EPGN: variants seen among roughly 807,000 people sequenced by gnomAD.
EPGN encodes epithelial mitogen.
In EPGN, 21 loss-of-function variants were observed where a neutral mutation model predicts 20.7. The ratio of observed to expected loss-of-function variants is 1.01; its 90% CI spans 0.72 to 1.46. The LOEUF is 1.46. Ranked by LOEUF, EPGN falls within the 40% of genes most tolerant of loss-of-function variation. The pLI, the probability that EPGN is intolerant of heterozygous loss-of-function variation, is 0.00. For synonymous variants in EPGN, 69 were observed against 63.8 expected, an observed-to-expected ratio of 1.08 and a Z score of -0.39; for missense variants, 199 against 180.7, an observed-to-expected ratio of 1.10 and a Z score of -0.58.
In EPGN at chr4:74,315,505, A is replaced by G. The variant is rs975335972; in HGVS notation, c.*868A>G. Reference sequence around the variant, plus strand: ...GTCTCCTACTGAATAAAAGTCTACAATTGGCCCTAAAATAGAAACTGAAAA... The same window carrying G: ...GTCTCCTACTGAATAAAAGTCTACAGTTGGCCCTAAAATAGAAACTGAAAA... On this transcript the variant is annotated 3_prime_UTR_variant, in exon 5 of 5. Transcript: ENST00000413830. 2.0e-4 allele frequency among the ~76,000 whole-genome samples: 31 copies of G among 152,202 alleles called. No homozygotes were observed. Among genetic ancestry groups the G allele is most frequent in the African/African-American group, 7.0e-4 (29 of 41,456 alleles).
At chr4:74,312,457 C>G (rs1460306589) in intron 3 of EPGN, 152 bp downstream of exon 3, 19 of 780,710 alleles carry the variant, frequency 2.4e-5, no homozygotes, top group Non-Finnish European at 3.4e-5. Context: ...ATTTGAATAT[C>G]TAAGGAGTCT....
intron 2 of EPGN, among the ~76,000 whole-genome samples, chr4:74,309,434 C>T (rs576864604): frequency 1.2e-4 from 19 of 152,258 alleles, no homozygotes; most frequent in Admixed American, 4.6e-4. Context: ...GTGAAACAGG[C>T]CACATTTTCT....
Position 74,314,782 on chromosome 4 carries a change from A to G in EPGN, c.*145A>G. 1.3e-6 allele frequency: 1 copy of G among 781,266 alleles called. No homozygotes were observed. The highest frequency in any genetic ancestry group is 1.8e-5 in the South Asian group (1 of 55,216). The allele number at this position is 781,266 out of a possible 1,614,324, so 48.4% of individuals were successfully genotyped here. ...GGATCACAATGAAATGAGAAGATAAAATTCAGCGTTGGCCTTTAGACTTTG... is the reference window on the plus strand; with the variant it reads ...GGATCACAATGAAATGAGAAGATAAGATTCAGCGTTGGCCTTTAGACTTTG... On this transcript the variant is annotated 3_prime_UTR_variant, in exon 5 of 5. Coordinates refer to ENST00000413830, the MANE Select transcript of EPGN (RefSeq NM_001270989.2).
chr4:74,308,962 C>A, intron 1 of EPGN, 131 bp from the exon 2 acceptor site: 3 of 693,790 alleles, frequency 4.3e-6, no homozygotes, highest in Non-Finnish European at 7.4e-6. Context: ...GCCCTAGTCA[C>A]GTTATGGATT....
At position 74,313,026 on chromosome 4, in the gene EPGN, C is replaced by G; in HGVS notation, c.263C>G (p.Thr88Ser). Residue 88 changes from threonine (T) to serine (S), a missense_variant, in exon 4 of 5, where the codon ACT becomes AGT. By Grantham distance (58) the Thr-to-Ser change is moderately conservative (BLOSUM62 1). Transcript: ENST00000413830. ...ELEKAICRCFTGYTGERCEHL... is the reference protein window; with the variant it reads ...ELEKAICRCFSGYTGERCEHL... Reference sequence around the variant, plus strand: ...TTTTTCTTTTTTTAAAGGTGTTTTACTGGTTATACTGGAGAAAGGTGTGAG... The same window carrying G: ...TTTTTCTTTTTTTAAAGGTGTTTTAGTGGTTATACTGGAGAAAGGTGTGAG... 1 of 1,595,016 alleles carries G rather than the reference C, an allele frequency of 6.3e-7. No homozygotes were observed. The highest frequency in any genetic ancestry group is 8.5e-7 in the Non-Finnish European group (1 of 1,175,372).
intron 2 of EPGN, 47 bp from the exon 3 acceptor site, chr4:74,312,138 A>C (rs768989140): frequency 1.3e-6 from 2 of 1,548,640 alleles, no homozygotes; most frequent in Non-Finnish European, 1.7e-6. Context: ...ATTTACCATA[A>C]AAGTAAGACA....
rs528252767 is a variant in EPGN, at chr4:74,314,790, G to T, written c.*153G>T. 4 of 744,602 alleles carry T rather than the reference G, an allele frequency of 5.4e-6. No homozygotes were observed. Among genetic ancestry groups the T allele is most frequent in the African/African-American group, 3.5e-5 (2 of 56,340 alleles). 46.1% of individuals were successfully genotyped at this position (744,602 alleles called of 1,614,324 possible). A position where few individuals can be genotyped will look rare whatever the true frequency, so the allele number is the denominator to read the frequency against. On this transcript the variant is annotated 3_prime_UTR_variant, in exon 5 of 5. Transcript: ENST00000413830. ...ATGAAATGAGAAGATAAAATTCAGC[G>T]TTGGCCTTTAGACTTTGCCATCCTT...
chr4:74,309,583 T>G (rs1235339565), intron 2 of EPGN, among the ~76,000 whole-genome samples: 1 of 139,838 alleles, frequency 7.2e-6, no homozygotes, highest in Non-Finnish European at 1.5e-5. Flanking sequence ...GGCTACAAGA[T>G]GAACAGCACT....
At chr4:74,308,612 CA>C (rs754704540) in intron 1 of EPGN, 36 bp downstream of exon 1, 9 of 1,565,346 alleles carry the variant, frequency 5.7e-6, no homozygotes, top group Non-Finnish European at 7.9e-6. Context: ...AACTTTATAT[CA>C]GTGTAAAATG....
chr4:74,309,052 G>A (rs1485676839), intron 1 of EPGN, 41 bp from the exon 2 acceptor site: 1 of 1,417,282 alleles, frequency 7.1e-7, no homozygotes, highest in South Asian at 1.2e-5. Context: ...GTACATAGAA[G>A]GAGGCTCTCT....
intron 3 of EPGN, 65 bp downstream of exon 3, chr4:74,312,370 A>G: frequency 6.5e-7 from 1 of 1,532,570 alleles, no homozygotes; most frequent in Non-Finnish European, 8.8e-7. Context: ...GTTGTTTCAT[A>G]TAGTACATTT....
intron 2 of EPGN, among the ~76,000 whole-genome samples, chr4:74,310,461 C>CAAAAAAAA (rs10586282): frequency 1.2e-4 from 5 of 43,188 alleles, no homozygotes; most frequent in Non-Finnish European, 3.2e-4. Context: ...GAGTCCGTCT[C>CAAAAAAAA]AAAAAAAAAA....
chr4:74,313,243 G>A (rs749900792), intron 4 of EPGN, 73 bp downstream of exon 4: 6 of 1,520,028 alleles, frequency 3.9e-6, no homozygotes, highest in South Asian at 3.9e-5. Context: ...GCCCTATAAT[G>A]TGTCAGGCAC....
intron 3 of EPGN, among the ~76,000 whole-genome samples, 185 bp from the exon 4 acceptor site, chr4:74,312,833 G>A (rs1359489408): frequency 2.0e-5 from 3 of 152,116 alleles, no homozygotes; most frequent in African/African-American, 7.2e-5. Context: ...AAAATATGGG[G>A]CCTTAATGAT....
Position 74,315,885 on chromosome 4 carries a change from G to A in EPGN, c.*1248G>A, listed in dbSNP as rs571463469. Among the ~76,000 whole-genome samples the A allele has an allele frequency of 3.3e-5, 5 of 151,370 alleles. No individual in the cohort carries two copies. Among genetic ancestry groups the A allele is most frequent in the Non-Finnish European group, 7.4e-5 (5 of 67,938 alleles). ...GACAATCACTTGAACCCAGGAGGCAGAGGTTGTAGTGAGCCGAGATGGCAA... is the reference window on the plus strand; with the variant it reads ...GACAATCACTTGAACCCAGGAGGCAAAGGTTGTAGTGAGCCGAGATGGCAA... On this transcript the variant is annotated 3_prime_UTR_variant, in exon 5 of 5. Transcript: ENST00000413830.
At chr4:74,313,997 G>C (rs974205604) in intron 4 of EPGN, 1 of 377,072 alleles carries the variant, frequency 2.7e-6, no homozygotes, top group Admixed American at 3.3e-5. Context: ...TAATAAGGGG[G>C]AGGAGGAGGA....
rs964837339 is a variant in EPGN at position 74,308,477 on chromosome 4, A to T, written c.-57A>T. On this transcript the variant is annotated 5_prime_UTR_variant, in exon 1 of 5. Transcript: ENST00000413830. ...CAAAGACTCAGAGAGCTCAATAAAA[A>T]CCTTCCACCCGTCAGTCTAGAAGGA... 89 of 1,434,286 alleles carry T rather than the reference A, an allele frequency of 6.2e-5. No homozygotes were observed. In the African/African-American group the frequency reaches 1.2e-3, roughly 19 times the overall value. 88.8% of individuals were successfully genotyped at this position (1,434,286 alleles called of 1,614,324 possible).
rs147461531 is a variant in EPGN, at chr4:74,316,475, C to T, written c.*1838C>T. 2.6e-3 allele frequency among the ~76,000 whole-genome samples: 403 copies of T among 152,316 alleles called. 3 individuals carry two copies. The highest frequency in any genetic ancestry group is 9.3e-3 in the African/African-American group (387 of 41,576). On this transcript the variant is annotated 3_prime_UTR_variant, in exon 5 of 5. Coordinates refer to ENST00000413830, the MANE Select transcript of EPGN (RefSeq NM_001270989.2). The stretch of plus-strand genomic sequence containing the variant: ...TATAACTTTTCATTCATTCCTAAAC[C>T]AAACTTAAAATTCTGCTTTCCTTTG...
intron 4 of EPGN, chr4:74,314,362 C>T (rs1751160484): frequency 1.7e-6 from 1 of 593,210 alleles, no homozygotes; most frequent in Admixed American, 2.9e-5. Flanking sequence ...CCAGCAATCT[C>T]CTGGCAGGGC....
Sources: allele counts gnomAD v4.1 joint callset (sites outside exome capture counted in the v4.1 genomes callset), GRCh38; gene constraint gnomAD v4.1.1; transcripts MANE v1.5; gene names NCBI Gene and HGNC (gene_info 2026-07-23, HGNC 2026-07-21).